EDA2R: variants seen among roughly 807,000 people sequenced by gnomAD.
The protein encoded by EDA2R is tumor necrosis factor receptor superfamily member 27.
Under a neutral mutation model 20.1 loss-of-function variants are expected in EDA2R, and 26 were observed. The observed-to-expected ratio is 1.30, with a 90% CI of 0.95 to 1.80. The LOEUF is 1.80. EDA2R is among the 40% of genes most tolerant of loss of function. The pLI is 0.00. For missense variants in EDA2R, 277 were observed against 228.7 expected (o/e 1.21, Z -1.36); for synonymous variants, 114 against 88.7 (o/e 1.29, Z -1.60).
chrX:66,628,591 G>A (rs746126041), intron 1 of EDA2R, among the ~76,000 whole-genome samples: 99 of 109,270 alleles, frequency 9.1e-4, no homozygotes, highest in African/African-American at 3.2e-3. Context: ...AAACCTAGAA[G>A]AGATGGATAA....
chrX:66,623,057 A>T (rs1372096285), intron 1 of EDA2R, among the ~76,000 whole-genome samples: 1 of 111,776 alleles, frequency 8.9e-6, no homozygotes, highest in Non-Finnish European at 1.9e-5. Context: ...GCACCTTGGG[A>T]GTGCCAAAAA....
At chrX:66,623,823 T>C (rs1474007894) in intron 1 of EDA2R, among the ~76,000 whole-genome samples, 2 of 112,306 alleles carry the variant, frequency 1.8e-5, no homozygotes, top group African/African-American at 6.5e-5. Context: ...ACAGTCTTCT[T>C]AGTCAGGCTT....
intron 2 of EDA2R, among the ~76,000 whole-genome samples, chrX:66,607,674 G>A (rs1043545167): frequency 1.8e-5 from 2 of 111,276 alleles, no homozygotes; most frequent in African/African-American, 3.3e-5. Flanking sequence ...GACTACTATA[G>A]CCTTCAACAA....
intron 1 of EDA2R, among the ~76,000 whole-genome samples, chrX:66,630,233 A>C (rs1307311802): frequency 8.9e-6 from 1 of 112,233 alleles, no homozygotes; most frequent in Non-Finnish European, 1.9e-5. Context: ...GAATCTATAA[A>C]AGTTCTAGAA....
At chrX:66,605,969 C>A (rs1209274935) in intron 2 of EDA2R, among the ~76,000 whole-genome samples, 1 of 112,049 alleles carries the variant, frequency 8.9e-6, no homozygotes, top group Non-Finnish European at 1.9e-5. Context: ...AGATGAGAGG[C>A]AAACACTCTA....
At chrX:66,604,043 C>T (rs182337779) in intron 4 of EDA2R, among the ~76,000 whole-genome samples, 1 of 111,669 alleles carries the variant, frequency 9.0e-6, no homozygotes, top group Non-Finnish European at 1.9e-5. Context: ...CAGCCTCTTA[C>T]AAGTCCTCAG....
Position 66,599,785 on chromosome X carries a change from G to T in EDA2R, c.593C>A (p.Thr198Asn). 2 of 1,209,830 alleles carry T rather than the reference G, an allele frequency of 1.7e-6. No homozygotes were observed. The highest frequency in any genetic ancestry group is 2.2e-6 in the Non-Finnish European group (2 of 894,692). Residue 198 changes from threonine to asparagine, a missense_variant, in exon 6 of 7, where the codon ACC becomes AAC. Transcript: ENST00000374719. Reference protein sequence around the residue: ...SLFPVPPSKETSAESQVSENI... With the variant: ...SLFPVPPSKENSAESQVSENI... ...CTCACTCACTTGGGACTCAGCACTGGTCTCCTTGCTGGGTGGCACGGGGAA... is the reference window on the plus strand; with the variant it reads ...CTCACTCACTTGGGACTCAGCACTGTTCTCCTTGCTGGGTGGCACGGGGAA...
chrX:66,602,452 C>G (rs1007938497), intron 5 of EDA2R, among the ~76,000 whole-genome samples, 181 bp downstream of exon 5: 2 of 111,169 alleles, frequency 1.8e-5, no homozygotes, highest in Admixed American at 1.9e-4. Context: ...TCAGTAATCT[C>G]TTAAGTCCCA....
intron 1 of EDA2R, among the ~76,000 whole-genome samples, chrX:66,631,589 A>T (rs1569259517): frequency 8.9e-6 from 1 of 111,732 alleles, no homozygotes; most frequent in African/African-American, 3.3e-5. Context: ...AAAGCATTTT[A>T]TTAATGTTAA....
chrX:66,628,208 T>G (rs1933305612), intron 1 of EDA2R, among the ~76,000 whole-genome samples: 1 of 110,886 alleles, frequency 9.0e-6, no homozygotes, highest in Non-Finnish European at 1.9e-5. Context: ...TTCATAGCCT[T>G]AAACACCTAT....
At chrX:66,617,181 C>T (rs1288527251) in intron 1 of EDA2R, among the ~76,000 whole-genome samples, 1 of 111,891 alleles carries the variant, frequency 8.9e-6, no homozygotes, top group African/African-American at 3.2e-5. Flanking sequence ...TACATGTGTA[C>T]CTTGAGAGGC....
chrX:66,607,177 C>A (rs1929834153), intron 2 of EDA2R, among the ~76,000 whole-genome samples: 1 of 112,004 alleles, frequency 8.9e-6, no homozygotes. Context: ...AAGCTAAGTG[C>A]ACATCTGGCT....
intron 1 of EDA2R, among the ~76,000 whole-genome samples, chrX:66,626,086 G>T (rs1933047092): frequency 9.0e-6 from 1 of 111,150 alleles, no homozygotes; most frequent in Non-Finnish European, 1.9e-5. Context: ...AACAACTCTG[G>T]TAATATGAAA....
chrX:66,597,929 T>C lies in EDA2R; in HGVS notation c.*175A>G, dbSNP rs1476507323. 3.0e-6 allele frequency: 2 copies of C among 664,766 alleles called. No individual in the cohort carries two copies. The highest frequency in any genetic ancestry group is 2.0e-6 in the Non-Finnish European group (1 of 505,299). 54.8% of individuals were successfully genotyped at this position (664,766 alleles called of 1,213,427 possible). ...AGCAAGAAATGCTCCAGATCAGTCC[T>C]TGTGAAATGGAGAATCAATCCTCTG... On this transcript the variant is annotated 3_prime_UTR_variant, in exon 7 of 7. Transcript: ENST00000374719.
intron 1 of EDA2R, among the ~76,000 whole-genome samples, chrX:66,622,224 G>A (rs764015058): frequency 3.6e-5 from 4 of 111,663 alleles, no homozygotes; most frequent in East Asian, 2.8e-4. Flanking sequence ...TAATGTAGAC[G>A]ATTAAGAATG....
chrX:66,598,083 G>A lies in EDA2R; in HGVS notation c.*21C>T. 1.0e-6 allele frequency: 1 copy of A among 956,828 alleles called. No individual in the cohort carries two copies. The highest frequency in any genetic ancestry group is 1.3e-6 in the Non-Finnish European group (1 of 744,790). 78.9% of individuals were successfully genotyped at this position (956,828 alleles called of 1,213,427 possible). A position where few individuals can be genotyped will look rare whatever the true frequency, so the allele number is the denominator to read the frequency against. ...GAACAACTGGGCAAGGCTGCCAGGG[G>A]CCCAAGAGACCTAAGGAGAGAGCAA... On this transcript the variant is annotated 3_prime_UTR_variant, in exon 7 of 7. Transcript: ENST00000374719.
Position 66,602,708 on chromosome X carries a change from C to T in EDA2R, c.442G>A (p.Val148Met). Residue 148 changes from valine to methionine, a missense_variant, in exon 5 of 7, where the codon GTG (valine) becomes ATG (methionine). Transcript: ENST00000374719. ...TLVALVSSLL[V>M]VFTLAFLGLF... ...CCCAGGAAGGCCAGGGTAAACACCA[C>T]TAGCAGGCTGCTCACCAGTGCAACA... is the stretch of plus-strand genomic sequence containing the variant. 8.3e-7 allele frequency: 1 copy of T among 1,200,601 alleles called. No homozygotes were observed. The highest frequency in any genetic ancestry group is 1.8e-5 in the South Asian group (1 of 55,128).
intron 1 of EDA2R, among the ~76,000 whole-genome samples, chrX:66,620,653 G>A (rs1932445552): frequency 9.0e-6 from 1 of 110,619 alleles, no homozygotes; most frequent in African/African-American, 3.3e-5. Flanking sequence ...ACAATGACAT[G>A]TCAACAAAAT....
intron 1 of EDA2R, among the ~76,000 whole-genome samples, chrX:66,637,556 G>T (rs759392907): frequency 8.9e-6 from 1 of 111,771 alleles, no homozygotes; most frequent in Non-Finnish European, 1.9e-5. Flanking sequence ...CCAATTTTCC[G>T]CTAATCGTAC....
Sources: gnomAD v4.1 joint callset for allele counts (sites outside exome capture counted in the v4.1 genomes callset) on GRCh38, gnomAD v4.1.1 for gene constraint, MANE v1.5 for transcripts, NCBI Gene and HGNC (gene_info 2026-07-23, HGNC 2026-07-21) for gene names.